Variants in SMIM35 observed in about 807,000 individuals in gnomAD.
The protein encoded by SMIM35 is TMPRSS4 antisense RNA 1 (non-protein coding).
chr11:118,079,121 C>G (rs1409985953), intron 1 of SMIM35, among the ~76,000 whole-genome samples: 1 of 152,132 alleles, frequency 6.6e-6, no homozygotes, highest in Non-Finnish European at 1.5e-5. Context: ...AAAGGCAAGG[C>G]AGCAGCATGG....
Position 118,013,735 on chromosome 11 carries a change from A to T in SMIM35, c.*33+13T>A. The T allele has an allele frequency of 2.5e-6, 1 of 399,030 alleles. No individual in the cohort carries two copies. The highest frequency in any genetic ancestry group is 4.4e-6 in the Non-Finnish European group (1 of 226,132). The allele number at this position is 399,030 out of a possible 1,614,324, so 24.7% of individuals were successfully genotyped here. The stretch of plus-strand genomic sequence containing the variant: ...ATCAGGCTCACTCGGCAGCTCTCCC[A>T]ACTCCAACTCACCTCCCCAGGGCTT... On this transcript the variant is annotated intron_variant, in intron 4 of 4. Transcript: ENST00000689828.
At chr11:118,057,931 A>T (rs1944340121) in intron 1 of SMIM35, among the ~76,000 whole-genome samples, 1 of 152,214 alleles carries the variant, frequency 6.6e-6, no homozygotes, top group Non-Finnish European at 1.5e-5. Flanking sequence ...GGAATGAAAC[A>T]CAAACAGACA....
intron 1 of SMIM35, chr11:118,059,247 A>G (rs1219493378): frequency 6.6e-6 from 1 of 152,286 alleles, no homozygotes; most frequent in Non-Finnish European, 1.5e-5. Context: ...ATCCCATGAC[A>G]CTGCTCCGAT....
At chr11:118,026,546 C>T (rs527659555) in intron 1 of SMIM35, among the ~76,000 whole-genome samples, 18 of 152,294 alleles carry the variant, frequency 1.2e-4, no homozygotes, top group African/African-American at 3.1e-4. Context: ...GAATAAATTT[C>T]TTGCTTGATT....
intron 1 of SMIM35, among the ~76,000 whole-genome samples, chr11:118,072,923 TGTC>T (rs1471651949): frequency 6.6e-6 from 1 of 152,112 alleles, no homozygotes; most frequent in Non-Finnish European, 1.5e-5. Flanking sequence ...GGTCTTGTGT[TGTC>T]GTTGTTGTTT....
At chr11:118,078,439 C>A (rs138907910) in intron 1 of SMIM35, among the ~76,000 whole-genome samples, 266 of 152,302 alleles carry the variant, frequency 1.7e-3, no homozygotes, top group African/African-American at 6.2e-3. Flanking sequence ...GCACTTCCCA[C>A]GACACTCTTC....
intron 4 of SMIM35, among the ~76,000 whole-genome samples, chr11:118,012,691 TG>T (rs921042708): frequency 1.1e-4 from 17 of 151,958 alleles, no homozygotes; most frequent in Admixed American, 1.0e-3. Context: ...AGATTGGGGA[TG>T]GGGCAGGGGG....
intron 1 of SMIM35, among the ~76,000 whole-genome samples, chr11:118,080,940 T>A (rs1945079041): frequency 6.6e-6 from 1 of 152,154 alleles, no homozygotes; most frequent in Admixed American, 6.5e-5. Flanking sequence ...GACAGTGAAC[T>A]CCTCCAAACC....
intron 1 of SMIM35, among the ~76,000 whole-genome samples, chr11:118,078,606 C>T (rs77120644): frequency 0.027 from 4,163 of 152,176 alleles, 142 homozygotes; most frequent in East Asian, 0.11. Flanking sequence ...ACGCTGTATC[C>T]CCTGGGGCTC....
chr11:118,036,772 C>CT (rs949049583), intron 1 of SMIM35, among the ~76,000 whole-genome samples: 1 of 144,720 alleles, frequency 6.9e-6, no homozygotes, highest in South Asian at 2.1e-4. Flanking sequence ...TCCTTTTTTT[C>CT]TTTTTTTTCT....
intron 1 of SMIM35, among the ~76,000 whole-genome samples, chr11:118,062,329 C>CAAA (rs1469026864): frequency 6.6e-6 from 1 of 152,188 alleles, no homozygotes; most frequent in Admixed American, 6.5e-5. Context: ...GACTCCATCT[C>CAAA]AAAAACAAAC....
chr11:118,029,940 C>G (rs545347639), intron 1 of SMIM35: 5 of 364,040 alleles, frequency 1.4e-5, no homozygotes, highest in Admixed American at 3.7e-5. Flanking sequence ...AATAAATTCT[C>G]TCTGGTAAAA....
At chr11:118,065,298 C>G (rs995575915) in intron 1 of SMIM35, among the ~76,000 whole-genome samples, 3 of 152,314 alleles carry the variant, frequency 2.0e-5, no homozygotes, top group Non-Finnish European at 4.4e-5. Context: ...AGCCTTGTCA[C>G]GTCCATGATG....
intron 1 of SMIM35, among the ~76,000 whole-genome samples, chr11:118,080,993 C>A (rs1945082715): frequency 6.6e-6 from 1 of 152,178 alleles, no homozygotes; most frequent in African/African-American, 2.4e-5. Flanking sequence ...AACCTGTTGC[C>A]ACCAGAATGG....
chr11:118,073,229 C>T (rs774565327), intron 1 of SMIM35, among the ~76,000 whole-genome samples: 2 of 152,230 alleles, frequency 1.3e-5, no homozygotes, highest in East Asian at 1.9e-4. Flanking sequence ...TGAGCCACTG[C>T]GCCCAGCCAG....
At chr11:118,049,799 C>T (rs1238381543) in intron 1 of SMIM35, among the ~76,000 whole-genome samples, 1 of 152,136 alleles carries the variant, frequency 6.6e-6, no homozygotes, top group African/African-American at 2.4e-5. Flanking sequence ...TCTAAAGAGT[C>T]TGGCAAGGGT....
intron 1 of SMIM35, among the ~76,000 whole-genome samples, chr11:118,043,340 T>TA (rs1247778994): frequency 6.6e-6 from 1 of 152,034 alleles, no homozygotes; most frequent in African/African-American, 2.4e-5. Flanking sequence ...CAGAATGTGG[T>TA]ATATCCATAT....
intron 1 of SMIM35, among the ~76,000 whole-genome samples, chr11:118,071,851 ACT>A (rs1307351956): frequency 1.3e-5 from 2 of 152,108 alleles, no homozygotes; most frequent in East Asian, 3.9e-4. Context: ...TGGAATGCAG[ACT>A]CTGACTGAAT....
intron 3 of SMIM35, among the ~76,000 whole-genome samples, 181 bp from the exon 4 acceptor site, chr11:118,014,061 T>G (rs555493839): frequency 1.0e-3 from 158 of 152,290 alleles, no homozygotes; most frequent in African/African-American, 3.7e-3. Context: ...GGCAAGTAGA[T>G]GAGATGACCA....
Sources: gnomAD v4.1 joint callset for allele counts (sites outside exome capture counted in the v4.1 genomes callset) on GRCh38, gnomAD v4.1.1 for gene constraint, MANE v1.5 for transcripts, NCBI Gene and HGNC (gene_info 2026-07-23, HGNC 2026-07-21) for gene names.